PRND: variants seen among roughly 807,000 people sequenced by gnomAD.
PRND encodes prion like protein doppel, also known as prion-like protein doppel.
For missense variants in PRND, 227 were observed against 223.3 expected, an observed-to-expected ratio of 1.02 and a Z score of -0.11; for synonymous variants, 94 against 93.2, an observed-to-expected ratio of 1.01 and a Z score of -0.05.
chr20:4,723,172 G>T (rs910210781), intron 1 of PRND, among the ~76,000 whole-genome samples: 5 of 152,222 alleles, frequency 3.3e-5, no homozygotes, highest in African/African-American at 1.2e-4. Flanking sequence ...AGTGGGGCAT[G>T]GCTAGTGGAC....
At position 4,724,528 on chromosome 20, in the gene PRND, G is replaced by A. The variant is rs201763849; in HGVS notation, c.-11-13G>A. 1.6e-5 allele frequency: 26 copies of A among 1,613,800 alleles called. No homozygotes were observed. The highest frequency in any genetic ancestry group is 4.4e-5 in the South Asian group (4 of 91,074). On this transcript the variant is annotated splice_polypyrimidine_tract_variant and intron_variant, in intron 1 of 1. Coordinates refer to ENST00000305817, the MANE Select transcript of PRND (RefSeq NM_012409.4). The surrounding 1 kb of genome is among the most constrained non-coding windows in gnomAD (Gnocchi z 4.8). The stretch of plus-strand genomic sequence containing the variant: ...CCTGGTGGGGAGCTGACCCACCGCC[G>A]TTTCTCTGGCAGGTTCTGACGCGAT...
Position 4,724,997 on chromosome 20 carries a change from T to C in PRND, c.446T>C (p.Leu149Ser). Residue 149 changes from leucine (L) to serine (S), a missense_variant, in exon 2 of 2, where the codon TTG (leucine) becomes TCG (serine). Physicochemically the swap from Leu to Ser is moderately radical, Grantham distance 145 (BLOSUM62 -2). Transcript: ENST00000305817. This position sits in a 1 kb window ranked among gnomAD's most constrained non-coding sequence, Gnocchi z 4.8. ...TCCCTCAAGCATTGCGAGTTTTGGT[T>C]GGAGAGGGGCGCAGGACTTCGGGTC... is the stretch of plus-strand genomic sequence containing the variant. ...LCSLKHCEFWLERGAGLRVTM... is the reference protein window; with the variant it reads ...LCSLKHCEFWSERGAGLRVTM... 6.2e-7 allele frequency: 1 copy of C among 1,613,604 alleles called. No homozygotes were observed. The highest frequency in any genetic ancestry group is 8.5e-7 in the Non-Finnish European group (1 of 1,179,888).
chr20:4,723,938 ATGTGTGTGTGTGTG>A (rs78289429), intron 1 of PRND, among the ~76,000 whole-genome samples: 16 of 146,208 alleles, frequency 1.1e-4, no homozygotes, highest in Middle Eastern at 3.5e-3. Context: ...TCTCTAAAAT[ATGTGTGTGTGTGTG>A]TGTGTGTGTG....
In PRND at chr20:4,724,886, C is replaced by T. The variant is rs928465543; in HGVS notation, c.335C>T (p.Thr112Ile). Residue 112 changes from threonine (T) to isoleucine (I), a missense_variant, in exon 2 of 2, where the codon ACC becomes ATC. Physicochemically the swap from Thr to Ile is moderately conservative, Grantham distance 89 (BLOSUM62 -1). Transcript: ENST00000305817. The surrounding 1 kb of genome is among the most constrained non-coding windows in gnomAD (Gnocchi z 4.8). ...EAFVTGCINA[T>I]QAANQGEFQK... ...TTTGTCACCGGCTGCATCAATGCCA[C>T]CCAGGCGGCGAACCAGGGGGAGTTC... 1 of 1,614,208 alleles carries T rather than the reference C, an allele frequency of 6.2e-7. No homozygotes were observed. The highest frequency in any genetic ancestry group is 8.5e-7 in the Non-Finnish European group (1 of 1,180,036).
rs142961961 is a variant in PRND at position 4,725,189 on chromosome 20, G to A, written c.*107G>A. ...GCGTGTTCTGAAGGTGCCCAGGAGC[G>A]GCGATGCACTCGCACTGCAAATGCC... is the stretch of plus-strand genomic sequence containing the variant. On this transcript the variant is annotated 3_prime_UTR_variant, in exon 2 of 2. Transcript: ENST00000305817. 250 of 1,412,130 alleles carry A rather than the reference G, an allele frequency of 1.8e-4. 1 individual carries two copies. In the East Asian group the frequency reaches 4.9e-3, roughly 28 times the overall value. 87.5% of individuals were successfully genotyped at this position (1,412,130 alleles called of 1,614,324 possible).
In PRND at chr20:4,724,403, G is replaced by T; in HGVS notation, c.-11-138G>T. ...TTAACCCTGCACAACCCAAACATGGGGAAACAATTATGCTTTTGAGACCAC... is the reference window on the plus strand; with the variant it reads ...TTAACCCTGCACAACCCAAACATGGTGAAACAATTATGCTTTTGAGACCAC... On this transcript the variant is annotated intron_variant, in intron 1 of 1. Coordinates refer to ENST00000305817, the MANE Select transcript of PRND (RefSeq NM_012409.4). The surrounding 1 kb of genome is among the most constrained non-coding windows in gnomAD (Gnocchi z 4.8). 1.8e-6 allele frequency: 2 copies of T among 1,141,020 alleles called. No homozygotes were observed. The highest frequency in any genetic ancestry group is 1.3e-6 in the Non-Finnish European group (1 of 778,324). 70.7% of individuals were successfully genotyped at this position (1,141,020 alleles called of 1,614,324 possible). A position where few individuals can be genotyped will look rare whatever the true frequency, so the allele number is the denominator to read the frequency against.
Position 4,724,078 on chromosome 20 carries a change from ATATATATG to A in PRND, c.-11-461_-11-454del, listed in dbSNP as rs1236281476. Reference sequence around the variant, plus strand: ...TGTGTGTATATACGTGTATATATACATATATATGTGTATATATATACGTGTATACACAC... The same window carrying A: ...TGTGTGTATATACGTGTATATATACATGTATATATATACGTGTATACACAC... On this transcript the variant is annotated intron_variant, in intron 1 of 1. Transcript: ENST00000305817. This position sits in a 1 kb window ranked among gnomAD's most constrained non-coding sequence, Gnocchi z 4.8. Among the ~76,000 whole-genome samples the A allele has an allele frequency of 6.6e-6, 1 of 150,852 alleles. No homozygotes were observed. The highest frequency in any genetic ancestry group is 1.9e-4 in the East Asian group (1 of 5,174).
At position 4,725,842 on chromosome 20, in the gene PRND, G is replaced by A. The variant is rs1422034830; in HGVS notation, c.*760G>A. The stretch of plus-strand genomic sequence containing the variant: ...CACATATACAGCAGGATGTGCCTGT[G>A]GCATGAAGATTTTCTTTCTCTTTTT... On this transcript the variant is annotated 3_prime_UTR_variant, in exon 2 of 2. Transcript: ENST00000305817. 1 of 165,948 alleles carries A rather than the reference G, an allele frequency of 6.0e-6. No homozygotes were observed. The highest frequency in any genetic ancestry group is 6.6e-5 in the Admixed American group (1 of 15,144). The allele number at this position is 165,948 out of a possible 1,614,324, so 10.3% of individuals were successfully genotyped here.
chr20:4,726,083 C>A lies in PRND; in HGVS notation c.*1001C>A, dbSNP rs1923258261. 1 of 152,360 alleles carries A rather than the reference C, an allele frequency of 6.6e-6. No homozygotes were observed. The highest frequency in any genetic ancestry group is 2.1e-4 in the South Asian group (1 of 4,770). The allele number at this position is 152,360 out of a possible 1,614,324, so 9.4% of individuals were successfully genotyped here. On this transcript the variant is annotated 3_prime_UTR_variant, in exon 2 of 2. Coordinates refer to ENST00000305817, the MANE Select transcript of PRND (RefSeq NM_012409.4). ...CCATGTTGGCCAGGCTGGTCTTGAA[C>A]TCCTGACCTCAGGTGATCCACCCAC...
In PRND at chr20:4,724,870, G is replaced by A. The variant is rs780316455; in HGVS notation, c.319G>A (p.Gly107Ser). Residue 107 changes from glycine (G) to serine (S), a missense_variant, in exon 2 of 2, where the codon GGC becomes AGC. Coordinates refer to ENST00000305817, the MANE Select transcript of PRND (RefSeq NM_012409.4). This position sits in a 1 kb window ranked among gnomAD's most constrained non-coding sequence, Gnocchi z 4.8. The part of the protein sequence containing the change: ...ANVTKEAFVT[G>S]CINATQAANQ... ...TGTGACCAAGGAGGCATTTGTCACC[G>A]GCTGCATCAATGCCACCCAGGCGGC... 18 of 1,614,174 alleles carry A rather than the reference G, an allele frequency of 1.1e-5. No homozygotes were observed. Among genetic ancestry groups the A allele is most frequent in the African/African-American group, 8.0e-5 (6 of 75,046 alleles).
chr20:4,725,325 G>C lies in PRND; in HGVS notation c.*243G>C. The C allele has an allele frequency of 3.7e-6, 2 of 539,904 alleles. No homozygotes were observed. Among genetic ancestry groups the C allele is most frequent in the South Asian group, 2.7e-5 (1 of 37,544 alleles). The allele number at this position is 539,904 out of a possible 1,614,324, so 33.4% of individuals were successfully genotyped here. ...GCAGAGCGTCTGGCACACTAGATTA[G>C]TAGTAAATGCTTGATGAGAAGAACA... On this transcript the variant is annotated 3_prime_UTR_variant, in exon 2 of 2. Transcript: ENST00000305817.
rs370341777 is a variant in PRND, at chr20:4,724,455, T to A, written c.-11-86T>A. On this transcript the variant is annotated intron_variant, in intron 1 of 1. Coordinates refer to ENST00000305817, the MANE Select transcript of PRND (RefSeq NM_012409.4). The surrounding 1 kb of genome is among the most constrained non-coding windows in gnomAD (Gnocchi z 4.8). ...TAAATAGCACAAGGATGCGATTCCT[T>A]CCTTAAAATCTCCTGCACTTGGGAG... The A allele has an allele frequency of 1.3e-6, 2 of 1,523,314 alleles. No individual in the cohort carries two copies. Among genetic ancestry groups the A allele is most frequent in the African/African-American group, 1.4e-5 (1 of 73,222 alleles). 94.4% of individuals were successfully genotyped at this position (1,523,314 alleles called of 1,614,324 possible).
At chr20:4,722,654 G>A (rs537421814) in intron 1 of PRND, among the ~76,000 whole-genome samples, 5 of 152,210 alleles carry the variant, frequency 3.3e-5, no homozygotes, top group African/African-American at 1.2e-4. Context: ...CCACTTTTAG[G>A]GAAGCTGCAG....
intron 1 of PRND, among the ~76,000 whole-genome samples, chr20:4,722,440 A>AG (rs1343267581): frequency 6.6e-6 from 1 of 151,694 alleles, no homozygotes; most frequent in African/African-American, 2.4e-5. Flanking sequence ...GAGTGGGGTG[A>AG]GGGGGTCCAG....
rs1601041343 is a variant in PRND at position 4,728,187 on chromosome 20, A to C, written c.*3105A>C. ...CACCTTAACTGTGCTCAGATACACAAGTGAGGGCTTTTTAACTTGATTATG... is the reference window on the plus strand; with the variant it reads ...CACCTTAACTGTGCTCAGATACACACGTGAGGGCTTTTTAACTTGATTATG... On this transcript the variant is annotated 3_prime_UTR_variant, in exon 2 of 2. Transcript: ENST00000305817. 1 of 166,328 alleles carries C rather than the reference A, an allele frequency of 6.0e-6. No individual in the cohort carries two copies. The highest frequency in any genetic ancestry group is 1.9e-4 in the East Asian group (1 of 5,162). The allele number at this position is 166,328 out of a possible 1,614,324, so 10.3% of individuals were successfully genotyped here. A position where few individuals can be genotyped will look rare whatever the true frequency, so the allele number is the denominator to read the frequency against.
chr20:4,726,497 C>G lies in PRND; in HGVS notation c.*1415C>G. 1 of 167,148 alleles carries G rather than the reference C, an allele frequency of 6.0e-6. No homozygotes were observed. 10.4% of individuals were successfully genotyped at this position (167,148 alleles called of 1,614,324 possible). On this transcript the variant is annotated 3_prime_UTR_variant, in exon 2 of 2. Transcript: ENST00000305817. The stretch of plus-strand genomic sequence containing the variant: ...CATGCCATAAGCAGGAGTTGATACA[C>G]CACCTTATTAGCTAAAAATATATAT...
At chr20:4,722,900 G>A (rs1310791045) in intron 1 of PRND, among the ~76,000 whole-genome samples, 2 of 151,884 alleles carry the variant, frequency 1.3e-5, no homozygotes, top group Non-Finnish European at 2.9e-5. Context: ...TTCAGGAGCC[G>A]AATGTGACAG....
rs1402279869 is a variant in PRND at position 4,724,423 on chromosome 20, G to A, written c.-11-118G>A. 7.6e-7 allele frequency: 1 copy of A among 1,310,028 alleles called. No homozygotes were observed. Among genetic ancestry groups the A allele is most frequent in the African/African-American group, 1.4e-5 (1 of 69,040 alleles). The allele number at this position is 1,310,028 out of a possible 1,614,324, so 81.2% of individuals were successfully genotyped here. A position where few individuals can be genotyped will look rare whatever the true frequency, so the allele number is the denominator to read the frequency against. Reference sequence around the variant, plus strand: ...CATGGGGAAACAATTATGCTTTTGAGACCACATAAATAGCACAAGGATGCG... The same window carrying A: ...CATGGGGAAACAATTATGCTTTTGAAACCACATAAATAGCACAAGGATGCG... On this transcript the variant is annotated intron_variant, in intron 1 of 1. Transcript: ENST00000305817. The surrounding 1 kb of genome is among the most constrained non-coding windows in gnomAD (Gnocchi z 4.8).
Position 4,727,886 on chromosome 20 carries a change from AGCGATTCTCAT to A in PRND, c.*2807_*2817del, listed in dbSNP as rs1923326483. The A allele has an allele frequency of 6.2e-6, 1 of 160,714 alleles. No individual in the cohort carries two copies. The highest frequency in any genetic ancestry group is 2.1e-4 in the South Asian group (1 of 4,694). The allele number at this position is 160,714 out of a possible 1,614,324, so 10.0% of individuals were successfully genotyped here. On this transcript the variant is annotated 3_prime_UTR_variant, in exon 2 of 2. Transcript: ENST00000305817. ...CTACAACCTCCACCTTCCAGGCTTA[AGCGATTCTCAT>A]GCCTCATCCTCCCAAGTAGGTGGGA...
Sources: allele counts gnomAD v4.1 joint callset (sites outside exome capture counted in the v4.1 genomes callset), GRCh38; gene constraint gnomAD v4.1.1; non-coding constraint Gnocchi (gnomAD v3.1); transcripts MANE v1.5; gene names NCBI Gene and HGNC (gene_info 2026-07-23, HGNC 2026-07-21).